Variants in MAU2 observed in about 807,000 individuals in gnomAD.
The protein encoded by MAU2 is MAU2 chromatid cohesion factor homolog.
In MAU2, 9 loss-of-function variants were observed where a neutral mutation model predicts 89.1. That is an observed-to-expected ratio of 0.10 (90% CI 0.06 to 0.18). MAU2 has a LOEUF of 0.18. Ranked by LOEUF, MAU2 falls within the 10% of genes least tolerant of loss-of-function variation. The pLI, the probability that MAU2 is intolerant of heterozygous loss-of-function variation, is 1.00. For synonymous variants in MAU2, 357 were observed against 343.4 expected, an observed-to-expected ratio of 1.04 and a Z score of -0.44; for missense variants, 425 against 803.5, an observed-to-expected ratio of 0.53 and a Z score of 5.69.
chr19:19,341,012 C>A, intron 6 of MAU2, 139 bp downstream of exon 6: 1 of 1,216,262 alleles, frequency 8.2e-7, no homozygotes, highest in Non-Finnish European at 1.1e-6. Context: ...CAGTGAGCAG[C>A]CTGGAATGTG....
At chr19:19,352,867 C>G (rs957681485) in intron 16 of MAU2, 4 of 152,286 alleles carry the variant, frequency 2.6e-5, no homozygotes, top group African/African-American at 9.7e-5. Flanking sequence ...GACCAAGGTC[C>G]TGGCCTTAAG....
At chr19:19,324,553 G>C (rs1438746354) in intron 1 of MAU2, among the ~76,000 whole-genome samples, 5 of 152,200 alleles carry the variant, frequency 3.3e-5, no homozygotes, top group Non-Finnish European at 7.3e-5. Flanking sequence ...AATAGTCACT[G>C]TGTGTACTGT....
rs1021334154 is a variant in MAU2, at chr19:19,356,915, G to A, written c.*1133G>A. On this transcript the variant is annotated 3_prime_UTR_variant, in exon 19 of 19. Coordinates refer to ENST00000262815, the MANE Select transcript of MAU2 (RefSeq NM_015329.4). Reference sequence around the variant, plus strand: ...GCATTCCGAGTTGGGGCGGGTGGTCGGGTCAAGATAGCAGCAGCAGGTGTC... The same window carrying A: ...GCATTCCGAGTTGGGGCGGGTGGTCAGGTCAAGATAGCAGCAGCAGGTGTC... 3 of 152,162 alleles carry A rather than the reference G, an allele frequency of 2.0e-5. No homozygotes were observed. The highest frequency in any genetic ancestry group is 2.9e-5 in the Non-Finnish European group (2 of 68,058). 9.4% of individuals were successfully genotyped at this position (152,162 alleles called of 1,614,324 possible).
chr19:19,328,786 C>G (rs1033359802), intron 1 of MAU2, among the ~76,000 whole-genome samples: 5 of 152,312 alleles, frequency 3.3e-5, no homozygotes, highest in Admixed American at 1.3e-4. Context: ...AGTGCACCAT[C>G]ATTCTTAGGT....
At chr19:19,349,573 T>C in intron 16 of MAU2, 137 bp downstream of exon 16, 1 of 736,520 alleles carries the variant, frequency 1.4e-6, no homozygotes, top group Non-Finnish European at 2.3e-6. Flanking sequence ...GTGGATGCCC[T>C]GACTCCCACA....
rs141099504 is a variant in MAU2, at chr19:19,345,045, C to T, written c.1155+119C>T. On this transcript the variant is annotated intron_variant, in intron 11 of 18. Coordinates refer to ENST00000262815, the MANE Select transcript of MAU2 (RefSeq NM_015329.4). This position sits in a 1 kb window ranked among gnomAD's most constrained non-coding sequence, Gnocchi z 4.9. ...CCCTGACAGCACCCTAATCAGAATC[C>T]GGAATGTTCCCATAGGTAATCATAT... The T allele has an allele frequency of 4.0e-3, 3,763 of 935,800 alleles. 28 individuals are homozygous for T. Among genetic ancestry groups the T allele is most frequent in the Non-Finnish European group, 5.0e-3 (3,015 of 600,016 alleles). The allele number at this position is 935,800 out of a possible 1,614,324, so 58.0% of individuals were successfully genotyped here.
At chr19:19,324,506 T>A (rs2061488614) in intron 1 of MAU2, among the ~76,000 whole-genome samples, 1 of 152,182 alleles carries the variant, frequency 6.6e-6, no homozygotes, top group Admixed American at 6.5e-5. Flanking sequence ...CCTTCCCTTG[T>A]CTCCCAGGGC....
Position 19,338,794 on chromosome 19 carries a change from G to C in MAU2, c.457-51G>C, listed in dbSNP as rs2074089. ...CTAACAGAGCACGAAGGCAGGTACC[G>C]TAAAACTGATGGGTTTGGCAGCAAA... is the stretch of plus-strand genomic sequence containing the variant. On this transcript the variant is annotated intron_variant, in intron 4 of 18. Coordinates refer to ENST00000262815, the MANE Select transcript of MAU2 (RefSeq NM_015329.4). 5,531 of 1,433,808 alleles carry C rather than the reference G, an allele frequency of 3.9e-3. 94 individuals are homozygous for C. Among genetic ancestry groups the C allele is most frequent in the South Asian group, 0.031 (2,585 of 82,462 alleles). 88.8% of individuals were successfully genotyped at this position (1,433,808 alleles called of 1,614,324 possible).
chr19:19,325,097 G>A (rs2061493843), intron 1 of MAU2, among the ~76,000 whole-genome samples: 1 of 152,134 alleles, frequency 6.6e-6, no homozygotes, highest in African/African-American at 2.4e-5. Context: ...CAGTGTAACA[G>A]TATTTTGCAA....
Position 19,341,486 on chromosome 19 carries a change from G to A in MAU2, c.735+79G>A, listed in dbSNP as rs2061646412. On this transcript the variant is annotated intron_variant, in intron 7 of 18. Coordinates refer to ENST00000262815, the MANE Select transcript of MAU2 (RefSeq NM_015329.4). ...TACCCAGGCCAATGGGTCTTGGGCTGTGAGGTCAGCTGTGTCATCGCCTTA... is the reference window on the plus strand; with the variant it reads ...TACCCAGGCCAATGGGTCTTGGGCTATGAGGTCAGCTGTGTCATCGCCTTA... 5.8e-6 allele frequency: 9 copies of A among 1,545,336 alleles called. No individual in the cohort carries two copies. The East Asian group carries it at 1.8e-4, about 31-fold the overall frequency.
intron 4 of MAU2, among the ~76,000 whole-genome samples, chr19:19,338,072 T>C (rs1263854848): frequency 6.6e-6 from 1 of 152,200 alleles, no homozygotes; most frequent in Non-Finnish European, 1.5e-5. Flanking sequence ...ATGACACCTA[T>C]GCAGTATGTG....
intron 5 of MAU2, among the ~76,000 whole-genome samples, chr19:19,340,048 C>G (rs985987935): frequency 1.3e-5 from 2 of 151,898 alleles, no homozygotes; most frequent in African/African-American, 4.8e-5. Context: ...GCCTGTAGTC[C>G]CAGCTACTCA....
intron 7 of MAU2, 89 bp from the exon 8 acceptor site, chr19:19,342,446 C>A: frequency 6.8e-7 from 1 of 1,462,608 alleles, no homozygotes. Flanking sequence ...GCAGATGCTC[C>A]CTAGAGGAAG....
chr19:19,344,705 T>C, intron 10 of MAU2, 144 bp from the exon 11 acceptor site: 1 of 664,672 alleles, frequency 1.5e-6, no homozygotes, highest in East Asian at 2.7e-5. Flanking sequence ...GCCCTCATGG[T>C]GGACGTGTCT....
chr19:19,345,297 CT>C lies in MAU2; in HGVS notation c.1156-5del. 1 of 1,613,334 alleles carries C rather than the reference CT, an allele frequency of 6.2e-7. No individual in the cohort carries two copies. Among genetic ancestry groups the C allele is most frequent in the Non-Finnish European group, 8.5e-7 (1 of 1,179,480 alleles). Reference sequence around the variant, plus strand: ...CCGGCCCTGATGACAACACCACCTTCTTCCAGGGCCTGTACTGTGTCTCTGT... The same window carrying C: ...CCGGCCCTGATGACAACACCACCTTCTCCAGGGCCTGTACTGTGTCTCTGT... On this transcript the variant is annotated splice_polypyrimidine_tract_variant and splice_region_variant and intron_variant, in intron 11 of 18. Coordinates refer to ENST00000262815, the MANE Select transcript of MAU2 (RefSeq NM_015329.4). The surrounding 1 kb of genome is among the most constrained non-coding windows in gnomAD (Gnocchi z 4.9).
chr19:19,332,350 T>A (rs999553436), intron 1 of MAU2, among the ~76,000 whole-genome samples: 1 of 144,750 alleles, frequency 6.9e-6, no homozygotes, highest in South Asian at 2.2e-4. Flanking sequence ...TTTTTTTTTT[T>A]AGAGCGAGAG....
Position 19,345,210 on chromosome 19 carries a change from A to C in MAU2, c.1156-94A>C. The C allele has an allele frequency of 9.0e-7, 1 of 1,113,770 alleles. No individual in the cohort carries two copies. Among genetic ancestry groups the C allele is most frequent in the East Asian group, 2.4e-5 (1 of 42,144 alleles). 69.0% of individuals were successfully genotyped at this position (1,113,770 alleles called of 1,614,324 possible). On this transcript the variant is annotated intron_variant, in intron 11 of 18. Coordinates refer to ENST00000262815, the MANE Select transcript of MAU2 (RefSeq NM_015329.4). This position sits in a 1 kb window ranked among gnomAD's most constrained non-coding sequence, Gnocchi z 4.9. ...GGTAGAGCCATTGTCATACTCCTCC[A>C]GGGCAGCCGTGCAGGCCCCGGGCAC...
rs1403649564 is a variant in MAU2 at position 19,326,707 on chromosome 19, TATATATATATATAC to T, written c.276+5586_276+5599del. Among the ~76,000 whole-genome samples, 55 of 119,162 alleles carry T rather than the reference TATATATATATATAC, an allele frequency of 4.6e-4. 2 individuals are homozygous for T. Among genetic ancestry groups the T allele is most frequent in the Middle Eastern group, 4.2e-3 (1 of 240 alleles). The allele number at this position is 119,162 out of a possible 152,430, so 78.2% of individuals were successfully genotyped here. On this transcript the variant is annotated intron_variant, in intron 1 of 18. Transcript: ENST00000262815. ...TCAAAAAAAAATATATATATGTATATATATATATATATACATATATATATATATACACAAAAATT... is the reference window on the plus strand; with the variant it reads ...TCAAAAAAAAATATATATATGTATATATATATATATATATACACAAAAATT...
rs148566839 is a variant in MAU2 at position 19,344,394 on chromosome 19, A to G, written c.1077+454A>G. 1,039 of 225,204 alleles carry G rather than the reference A, an allele frequency of 4.6e-3. 10 individuals are homozygous for G. The highest frequency in any genetic ancestry group is 0.023 in the African/African-American group (992 of 44,034). The allele number at this position is 225,204 out of a possible 1,614,324, so 14.0% of individuals were successfully genotyped here. A position where few individuals can be genotyped will look rare whatever the true frequency, so the allele number is the denominator to read the frequency against. On this transcript the variant is annotated intron_variant, in intron 10 of 18. Coordinates refer to ENST00000262815, the MANE Select transcript of MAU2 (RefSeq NM_015329.4). ...ACTACTGCACTCCAACCTGGGCAAC[A>G]GAGTGAGACTCCATCTCAAAAAAAA...
Sources: gnomAD v4.1 joint callset for allele counts (sites outside exome capture counted in the v4.1 genomes callset) on GRCh38, gnomAD v4.1.1 for gene constraint, Gnocchi (gnomAD v3.1) non-coding constraint, MANE v1.5 for transcripts, NCBI Gene and HGNC (gene_info 2026-07-23, HGNC 2026-07-21) for gene names.